ANKRD55: variants seen among roughly 807,000 people sequenced by gnomAD.
The protein encoded by ANKRD55 is ankyrin repeat domain 55.
A neutral mutation model predicts 60.6 loss-of-function variants in ANKRD55; 41 were observed. The observed-to-expected ratio is 0.68, with a 90% CI of 0.53 to 0.88. The LOEUF (loss-of-function observed/expected upper bound fraction) is 0.88. ANKRD55 is among the 40% of genes least tolerant of loss of function. The probability of loss-of-function intolerance (pLI) is 0.00; values close to 1 mark genes in which losing one functional copy is unlikely to be tolerated. For missense variants in ANKRD55, 732 were observed against 767.6 expected, an observed-to-expected ratio of 0.95 and a Z score of 0.55; for synonymous variants, 264 against 290.3, an observed-to-expected ratio of 0.91 and a Z score of 0.92.
intron 9 of ANKRD55, among the ~76,000 whole-genome samples, chr5:56,114,495 T>C (rs976573287): frequency 2.0e-5 from 3 of 152,230 alleles, no homozygotes; most frequent in Admixed American, 1.3e-4. Flanking sequence ...CATCTCAGTA[T>C]ATAAAGCTTG....
intron 2 of ANKRD55, among the ~76,000 whole-genome samples, chr5:56,226,804 GTTAGAATGGCAATCA>G (rs1391921533): frequency 6.6e-6 from 1 of 152,176 alleles, no homozygotes; most frequent in Non-Finnish European, 1.5e-5. Flanking sequence ...TCTCACACCA[GTTAGAATGGCAATCA>G]TTAACAAGTC....
At position 56,102,872 on chromosome 5, in the gene ANKRD55, G is replaced by GA. The variant is rs200665734; in HGVS notation, c.1631-287dup. On this transcript the variant is annotated intron_variant, in intron 10 of 11. Coordinates refer to ENST00000341048, the MANE Select transcript of ANKRD55 (RefSeq NM_024669.3). ...TACTCACCCCATAAAAGTTAAAGTTGAAAAAAAAGGAAATAATATAGATAT... is the reference window on the plus strand; with the variant it reads ...TACTCACCCCATAAAAGTTAAAGTTGAAAAAAAAAGGAAATAATATAGATAT... Among the ~76,000 whole-genome samples the GA allele has an allele frequency of 4.2e-3, 630 of 151,476 alleles. 5 individuals are homozygous for GA. The highest frequency in any genetic ancestry group is 0.015 in the African/African-American group (606 of 41,336).
chr5:56,182,632 A>T (rs1326069401), intron 3 of ANKRD55, among the ~76,000 whole-genome samples: 1 of 152,070 alleles, frequency 6.6e-6, no homozygotes, highest in African/African-American at 2.4e-5. Context: ...TCTTGGTATG[A>T]CGAGTGATTT....
chr5:56,164,231 T>C (rs1251769609), intron 5 of ANKRD55, among the ~76,000 whole-genome samples: 5 of 152,316 alleles, frequency 3.3e-5, no homozygotes, highest in Middle Eastern at 3.4e-3. Flanking sequence ...AGAAGCATCC[T>C]GGGGACAACT....
At chr5:56,213,108 A>T (rs1309878591) in intron 2 of ANKRD55, among the ~76,000 whole-genome samples, 1 of 152,224 alleles carries the variant, frequency 6.6e-6, no homozygotes, top group Admixed American at 6.5e-5. Flanking sequence ...TGCATACCAT[A>T]GTCCTAGACA....
chr5:56,178,653 A>G (rs959537659), intron 3 of ANKRD55, among the ~76,000 whole-genome samples: 1 of 152,134 alleles, frequency 6.6e-6, no homozygotes, highest in Non-Finnish European at 1.5e-5. Flanking sequence ...GAATAAATCT[A>G]ACCAAAGAAG....
intron 10 of ANKRD55, among the ~76,000 whole-genome samples, chr5:56,103,255 A>T (rs988965901): frequency 4.6e-5 from 7 of 152,216 alleles, no homozygotes; most frequent in African/African-American, 1.7e-4. Context: ...TGATGGTTAC[A>T]TTTTCAGAAA....
intron 2 of ANKRD55, among the ~76,000 whole-genome samples, chr5:56,190,603 T>C (rs1446860466): frequency 6.6e-6 from 1 of 152,236 alleles, no homozygotes; most frequent in East Asian, 1.9e-4. Context: ...TGTTTCCTGC[T>C]GCTATAACAC....
chr5:56,232,975 CTTACTGTCAACATGACA>C, intron 1 of ANKRD55, 29 bp from the exon 2 acceptor site: 1 of 1,509,322 alleles, frequency 6.6e-7, no homozygotes, highest in Non-Finnish European at 9.2e-7. Flanking sequence ...CATCTCAAAC[CTTACTGTCAACATGACA>C]GTCAGAGGCA....
chr5:56,210,560 C>CAAAAAA (rs59566826), intron 2 of ANKRD55, among the ~76,000 whole-genome samples: 86 of 65,044 alleles, frequency 1.3e-3, no homozygotes, highest in Non-Finnish European at 2.0e-3. Context: ...GACTACGTCT[C>CAAAAAA]AAAAAAAAAA....
At chr5:56,197,034 TA>T (rs1759243196) in intron 2 of ANKRD55, among the ~76,000 whole-genome samples, 1 of 152,206 alleles carries the variant, frequency 6.6e-6, no homozygotes, top group Non-Finnish European at 1.5e-5. Context: ...TTTGTTATCC[TA>T]GTTTGAGAAC....
intron 7 of ANKRD55, among the ~76,000 whole-genome samples, chr5:56,135,744 C>A (rs1165820525): frequency 6.6e-6 from 1 of 152,044 alleles, no homozygotes; most frequent in Non-Finnish European, 1.5e-5. Context: ...AAAAAGAATG[C>A]TGATTGGGAA....
Position 56,143,848 on chromosome 5 carries a change from T to G in ANKRD55, c.565A>C (p.Thr189Pro). 1 of 1,614,094 alleles carries G rather than the reference T, an allele frequency of 6.2e-7. No homozygotes were observed. The highest frequency in any genetic ancestry group is 8.5e-7 in the Non-Finnish European group (1 of 1,180,014). Residue 189 changes from threonine (T) to proline (P), a missense_variant, in exon 7 of 12, where the codon ACC (threonine) becomes CCC (proline). By Grantham distance (38) the Thr-to-Pro change is conservative. Transcript: ENST00000341048. The part of the protein sequence containing the change: ...QMLLKKGADP[T>P]LVDKDFKTAL... ...GTTTTAAAGTCTTTATCCACAAGGGTGGGGTCTGCCCCCTTCTTCAGCAGC... is the reference window on the plus strand; with the variant it reads ...GTTTTAAAGTCTTTATCCACAAGGGGGGGGTCTGCCCCCTTCTTCAGCAGC...
chr5:56,193,323 A>G, intron 2 of ANKRD55: 1 of 977,296 alleles, frequency 1.0e-6, no homozygotes, highest in Non-Finnish European at 1.5e-6. Flanking sequence ...GATTCCAGAG[A>G]TCCCACTGGA....
At chr5:56,199,822 T>C (rs1345549764) in intron 2 of ANKRD55, among the ~76,000 whole-genome samples, 2 of 149,050 alleles carry the variant, frequency 1.3e-5, no homozygotes, top group East Asian at 2.0e-4. Flanking sequence ...ACCCGGGTGG[T>C]GGAGCTTGCA....
rs796258987 is a variant in ANKRD55 at position 56,135,284 on chromosome 5, CTGCCTGCT to C, written c.613-8186_613-8179del. Among the ~76,000 whole-genome samples the C allele has an allele frequency of 9.2e-3, 609 of 66,546 alleles. 22 individuals carry two copies. Among genetic ancestry groups the C allele is most frequent in the Middle Eastern group, 0.015 (2 of 136 alleles). 43.7% of individuals were successfully genotyped at this position (66,546 alleles called of 152,430 possible). A position where few individuals can be genotyped will look rare whatever the true frequency, so the allele number is the denominator to read the frequency against. ...CTTCTTTCCCTCCCTCCCTCCCTGC[CTGCCTGCT>C]TGCTTTCTTTCTTTCTTTCTTTCTT... On this transcript the variant is annotated intron_variant, in intron 7 of 11. Transcript: ENST00000341048.
rs754266953 is a variant in ANKRD55 at position 56,166,086 on chromosome 5, TTTTC to T, written c.422+4604_422+4607del. On this transcript the variant is annotated intron_variant, in intron 5 of 11. Coordinates refer to ENST00000341048, the MANE Select transcript of ANKRD55 (RefSeq NM_024669.3). Reference sequence around the variant, plus strand: ...CACCCTTCAGGGATCTTTCTTTTCTTTTTCTTTCTTTCTTTCTTTCTTTCTTTCT... The same window carrying T: ...CACCCTTCAGGGATCTTTCTTTTCTTTTTCTTTCTTTCTTTCTTTCTTTCT... Among the ~76,000 whole-genome samples the T allele has an allele frequency of 1.8e-3, 163 of 91,766 alleles. 2 individuals carry two copies. Among genetic ancestry groups the T allele is most frequent in the Middle Eastern group, 6.5e-3 (1 of 154 alleles). The allele number at this position is 91,766 out of a possible 152,430, so 60.2% of individuals were successfully genotyped here. A position where few individuals can be genotyped will look rare whatever the true frequency, so the allele number is the denominator to read the frequency against.
At chr5:56,195,759 A>C (rs1157150921) in intron 2 of ANKRD55, among the ~76,000 whole-genome samples, 1 of 152,050 alleles carries the variant, frequency 6.6e-6, no homozygotes, top group Non-Finnish European at 1.5e-5. Context: ...AATAATTTCT[A>C]TTTATTGTGC....
chr5:56,112,511 A>AAAAAAAAAAAAAAAAAACAAAAAAAAAAC lies in ANKRD55; in HGVS notation c.966-730_966-729insGTTTTTTTTTTGTTTTTTTTTTTTTTTTT. On this transcript the variant is annotated intron_variant, in intron 9 of 11. Transcript: ENST00000341048. ...GCAGGATCTCATCTCTAGCAAAAAA[A>AAAAAAAAAAAAAAAAAACAAAAAAAAAAC]AAAAAAAAAAACAACCAAGGAAAGA... is the stretch of plus-strand genomic sequence containing the variant. Among the ~76,000 whole-genome samples, 7 of 81,526 alleles carry AAAAAAAAAAAAAAAAAACAAAAAAAAAAC rather than the reference A, an allele frequency of 8.6e-5. 1 individual carries two copies. Among genetic ancestry groups the AAAAAAAAAAAAAAAAAACAAAAAAAAAAC allele is most frequent in the Admixed American group, 1.4e-4 (1 of 6,980 alleles). The allele number at this position is 81,526 out of a possible 152,430, so 53.5% of individuals were successfully genotyped here.
Sources: gnomAD v4.1 joint callset for allele counts (sites outside exome capture counted in the v4.1 genomes callset) on GRCh38, gnomAD v4.1.1 for gene constraint, MANE v1.5 for transcripts, NCBI Gene and HGNC (gene_info 2026-07-23, HGNC 2026-07-21) for gene names.